SPEN: variants seen among roughly 807,000 people sequenced by gnomAD.
SPEN encodes the protein spen family transcriptional repressor, also known as msx2-interacting protein.
SPEN carries 18 observed loss-of-function variants against 269.9 expected under a neutral mutation model. The ratio of observed to expected loss-of-function variants is 0.07; its 90% CI spans 0.05 to 0.10. The LOEUF is 0.10. Ranked by LOEUF, SPEN falls within the 10% of genes least tolerant of loss-of-function variation. The pLI, the probability that SPEN is intolerant of heterozygous loss-of-function variation, is 1.00. For synonymous variants in SPEN, 1,726 were observed against 1,765.7 expected (o/e 0.98, Z 0.56); for missense variants, 3,822 against 4,631.2 (o/e 0.83, Z 5.07).
At chr1:15,862,914 A>G (rs1482275036) in intron 1 of SPEN, among the ~76,000 whole-genome samples, 1 of 151,966 alleles carries the variant, frequency 6.6e-6, no homozygotes, top group Non-Finnish European at 1.5e-5. Context: ...GGTGCCCACC[A>G]CCATTCCTGG....
intron 13 of SPEN, 88 bp from the exon 14 acceptor site, chr1:15,938,630 G>A: frequency 8.0e-7 from 1 of 1,245,124 alleles, no homozygotes; most frequent in Non-Finnish European, 1.1e-6. Flanking sequence ...AGAGGTGGGG[G>A]TTTTTGTGGA....
rs2070292707 is a variant in SPEN, at chr1:15,848,170, C to T, written c.83+20C>T. 1 of 1,432,108 alleles carries T rather than the reference C, an allele frequency of 7.0e-7. No individual in the cohort carries two copies. Among genetic ancestry groups the T allele is most frequent in the Non-Finnish European group, 9.3e-7 (1 of 1,074,364 alleles). 88.7% of individuals were successfully genotyped at this position (1,432,108 alleles called of 1,614,324 possible). A position where few individuals can be genotyped will look rare whatever the true frequency, so the allele number is the denominator to read the frequency against. Reference sequence around the variant, plus strand: ...CAAACGGTGAGTGACACGAGGCCCGCGGCCGCGCTCGCTCCTCGGGCGCCG... The same window carrying T: ...CAAACGGTGAGTGACACGAGGCCCGTGGCCGCGCTCGCTCCTCGGGCGCCG... On this transcript the variant is annotated intron_variant, in intron 1 of 14. Coordinates refer to ENST00000375759, the MANE Select transcript of SPEN (RefSeq NM_015001.3). This position sits in a 1 kb window ranked among gnomAD's most constrained non-coding sequence, Gnocchi z 5.1.
intron 3 of SPEN, among the ~76,000 whole-genome samples, chr1:15,888,722 T>C (rs1188545940): frequency 6.6e-6 from 1 of 152,042 alleles, no homozygotes; most frequent in Non-Finnish European, 1.5e-5. Context: ...GACCTCCACC[T>C]TCTGGGTTCA....
chr1:15,926,567 A>AT (rs2071169742), intron 10 of SPEN, among the ~76,000 whole-genome samples: 1 of 151,828 alleles, frequency 6.6e-6, no homozygotes, highest in African/African-American at 2.4e-5. Context: ...GCTTTGATAT[A>AT]TTTTTCTAAA....
intron 3 of SPEN, among the ~76,000 whole-genome samples, chr1:15,880,497 C>T (rs1374727581): frequency 6.8e-6 from 1 of 147,712 alleles, no homozygotes; most frequent in Non-Finnish European, 1.5e-5. Flanking sequence ...TCACTCTCGC[C>T]CAGGCTGGAG....
Position 15,934,405 on chromosome 1 carries a change from C to T in SPEN, c.8165C>T (p.Pro2722Leu). The part of the protein sequence containing the change: ...NATVGTVNAA[P>L]GTVNAAASAV... ...ACGGTGGGCACAGTGAATGCCGCCC[C>T]AGGCACAGTCAATGCCGCTGCGAGT... The change falls in exon 11 of 15, where the codon CCA (proline) becomes CTA (leucine). Residue 2722 changes from proline to leucine, a missense_variant. By Grantham distance (98) the Pro-to-Leu change is moderately conservative. Around this residue, in one of 16 missense-constraint regions of SPEN, gnomAD observed 329 missense variants for 431.2 expected, o/e 0.76. Transcript: ENST00000375759. The surrounding 1 kb of genome is among the most constrained non-coding windows in gnomAD (Gnocchi z 9.2). 6.2e-7 allele frequency: 1 copy of T among 1,613,804 alleles called. No individual in the cohort carries two copies. The highest frequency in any genetic ancestry group is 2.2e-5 in the East Asian group (1 of 44,886).
intron 11 of SPEN, among the ~76,000 whole-genome samples, 182 bp downstream of exon 11, chr1:15,936,448 C>G (rs2071276134): frequency 6.6e-6 from 1 of 151,346 alleles, no homozygotes; most frequent in African/African-American, 2.4e-5. Context: ...CGAGACCAGC[C>G]TGGGCAACAT....
intron 5 of SPEN, among the ~76,000 whole-genome samples, chr1:15,912,462 T>C (rs1436676251): frequency 6.6e-5 from 10 of 152,180 alleles, no homozygotes; most frequent in African/African-American, 2.4e-4. Flanking sequence ...TGGCCTGTTA[T>C]AGGATAAATA....
intron 6 of SPEN, 70 bp from the exon 7 acceptor site, chr1:15,918,856 A>G (rs2071089791): frequency 1.5e-6 from 2 of 1,328,398 alleles, no homozygotes. Flanking sequence ...TAAATACCCT[A>G]TATGGACTTG....
In SPEN at chr1:15,876,220, G is replaced by A. The variant is rs750490418; in HGVS notation, c.423G>A (p.Glu141=). 31 of 1,612,098 alleles carry A rather than the reference G, an allele frequency of 1.9e-5. No homozygotes were observed. The South Asian group carries it at 3.3e-4, about 17-fold the overall frequency. Reference sequence around the variant, plus strand: ...AATGCAGGGCTTCAGATAACAGGGAGCGTGCTTATGAACATAGTGCCTATG... The same window carrying A: ...AATGCAGGGCTTCAGATAACAGGGAACGTGCTTATGAACATAGTGCCTATG... ...RRLDGASDNR[E]RAYEHSAYGH... is the part of the protein sequence containing the mutation. Residue 141 remains glutamate, a synonymous_variant, in exon 3 of 15, where the codon GAG becomes GAA. Transcript: ENST00000375759.
intron 3 of SPEN, among the ~76,000 whole-genome samples, chr1:15,887,276 A>ATTTTTT (rs34435171): frequency 7.3e-5 from 6 of 82,316 alleles, no homozygotes; most frequent in Non-Finnish European, 6.5e-5. Context: ...CCTGGCCTGA[A>ATTTTTT]TTTTTTTTTT....
intron 1 of SPEN, among the ~76,000 whole-genome samples, chr1:15,866,375 A>G (rs966651224): frequency 6.6e-6 from 1 of 152,036 alleles, no homozygotes; most frequent in Non-Finnish European, 1.5e-5. Flanking sequence ...GTTTTTTGAG[A>G]CACAGTCTCA....
Position 15,932,922 on chromosome 1 carries a change from G to T in SPEN, c.6682G>T (p.Gly2228Trp). Residue 2228 changes from glycine to tryptophan, a missense_variant, in exon 11 of 15, where the codon GGG becomes TGG. By Grantham distance (184) the Gly-to-Trp change is radical. Around this residue, in one of 16 missense-constraint regions of SPEN, gnomAD observed 727 missense variants for 737.9 expected, o/e 0.99. Transcript: ENST00000375759. This position sits in a 1 kb window ranked among gnomAD's most constrained non-coding sequence, Gnocchi z 4.2. ...CGGCTCCATCATCAATGACATTTCT[G>T]GGGAGCCAGAAAACTTCCCAGCACC... is the stretch of plus-strand genomic sequence containing the variant. The part of the protein sequence containing the change: ...AIGSIINDIS[G>W]EPENFPAPPP... 6.2e-7 allele frequency: 1 copy of T among 1,614,192 alleles called. No individual in the cohort carries two copies. Among genetic ancestry groups the T allele is most frequent in the Non-Finnish European group, 8.5e-7 (1 of 1,180,040 alleles).
rs1409745590 is a variant in SPEN, at chr1:15,939,196, C to T, written c.10864-100C>T. On this transcript the variant is annotated intron_variant, in intron 14 of 14. Coordinates refer to ENST00000375759, the MANE Select transcript of SPEN (RefSeq NM_015001.3). This position sits in a 1 kb window ranked among gnomAD's most constrained non-coding sequence, Gnocchi z 4.1. Reference sequence around the variant, plus strand: ...ATTTGCTGGTTGGGGACTGATTTGGCCTGGCTCTTAGCATTGGGCCTCTTC... The same window carrying T: ...ATTTGCTGGTTGGGGACTGATTTGGTCTGGCTCTTAGCATTGGGCCTCTTC... The T allele has an allele frequency of 2.8e-6, 4 of 1,452,792 alleles. No individual in the cohort carries two copies. The highest frequency in any genetic ancestry group is 3.7e-6 in the Non-Finnish European group (4 of 1,091,482). 90.0% of individuals were successfully genotyped at this position (1,452,792 alleles called of 1,614,324 possible).
intron 5 of SPEN, among the ~76,000 whole-genome samples, chr1:15,915,326 G>T (rs574769776): frequency 6.6e-6 from 1 of 151,880 alleles, no homozygotes; most frequent in East Asian, 1.9e-4. Flanking sequence ...CAACAGGCTG[G>T]GGGGGTGGAA....
Position 15,931,475 on chromosome 1 carries a change from A to G in SPEN, c.5235A>G (p.Ala1745=), listed in dbSNP as rs1283391301. 8.7e-6 allele frequency: 14 copies of G among 1,614,192 alleles called. No individual in the cohort carries two copies. The highest frequency in any genetic ancestry group is 2.2e-5 in the East Asian group (1 of 44,890). ...CTCCCGGGGCCTCGTTTTCCCAGGC[A>G]GAGAGCAACGTAGATCCAGAGCCTG... is the stretch of plus-strand genomic sequence containing the variant. ...PPTPGASFSQ[A]ESNVDPEPDS... Residue 1745 remains alanine (A), a synonymous_variant, in exon 11 of 15, where the codon GCA becomes GCG. Transcript: ENST00000375759. The surrounding 1 kb of genome is among the most constrained non-coding windows in gnomAD (Gnocchi z 4.8).
Position 15,930,096 on chromosome 1 carries a change from G to A in SPEN, c.3856G>A (p.Gly1286Arg). Residue 1286 changes from glycine to arginine, a missense_variant, in exon 11 of 15, where the codon GGG becomes AGG. This residue lies in a region of SPEN where 267 missense variants were observed against 315.5 expected (regional missense o/e 0.85). Coordinates refer to ENST00000375759, the MANE Select transcript of SPEN (RefSeq NM_015001.3). The surrounding 1 kb of genome is among the most constrained non-coding windows in gnomAD (Gnocchi z 5.3). ...CTCCCCTAGGCTACTGTCAGTAAAA[G>A]GGTCTCCTAAAGTAGATGAAAAAGT... is the stretch of plus-strand genomic sequence containing the variant. ...IGSPRLLSVK[G>R]SPKVDEKVLP... 6.2e-7 allele frequency: 1 copy of A among 1,614,198 alleles called. No individual in the cohort carries two copies. The highest frequency in any genetic ancestry group is 8.5e-7 in the Non-Finnish European group (1 of 1,180,036).
Position 15,932,455 on chromosome 1 carries a change from A to G in SPEN, c.6215A>G (p.Asn2072Ser), listed in dbSNP as rs2071231744. ...GAGAAAAAACCGGCCCCTGAAAAAA[A>G]CTCCAAATCAAAGAGAGGAAGATCT... ...VVEKKPAPEKNSKSKRGRSRN... is the reference protein window; with the variant it reads ...VVEKKPAPEKSSKSKRGRSRN... Residue 2072 changes from asparagine to serine, a missense_variant, in exon 11 of 15, where the codon AAC becomes AGC. Around this residue, in one of 16 missense-constraint regions of SPEN, gnomAD observed 727 missense variants for 737.9 expected, o/e 0.99. Transcript: ENST00000375759. This position sits in a 1 kb window ranked among gnomAD's most constrained non-coding sequence, Gnocchi z 4.2. The G allele has an allele frequency of 1.2e-6, 2 of 1,612,388 alleles. No homozygotes were observed. Among genetic ancestry groups the G allele is most frequent in the Non-Finnish European group, 1.7e-6 (2 of 1,179,526 alleles).
chr1:15,847,974 C>T lies in SPEN; in HGVS notation c.-94C>T. On this transcript the variant is annotated 5_prime_UTR_variant, in exon 1 of 15. Transcript: ENST00000375759. Reference sequence around the variant, plus strand: ...GACGCCACCGCCGCAGCCGCCGCCGCCGCCGCCCCGGCACCCGCCTCCCGG... The same window carrying T: ...GACGCCACCGCCGCAGCCGCCGCCGTCGCCGCCCCGGCACCCGCCTCCCGG... 1.3e-6 allele frequency: 1 copy of T among 792,128 alleles called. No homozygotes were observed. Among genetic ancestry groups the T allele is most frequent in the Non-Finnish European group, 1.7e-6 (1 of 586,898 alleles). The allele number at this position is 792,128 out of a possible 1,614,324, so 49.1% of individuals were successfully genotyped here.
Sources: gnomAD v4.1 joint callset for allele counts (sites outside exome capture counted in the v4.1 genomes callset) on GRCh38, gnomAD v4.1.1 for gene constraint, gnomAD v4.1.1 regional missense constraint, Gnocchi (gnomAD v3.1) non-coding constraint, MANE v1.5 for transcripts, NCBI Gene and HGNC (gene_info 2026-07-23, HGNC 2026-07-21) for gene names.